TEX29: variants seen among roughly 807,000 people sequenced by gnomAD.
The protein encoded by TEX29 is testis expressed 29.
Under a neutral mutation model 18.2 loss-of-function variants are expected in TEX29, and 26 were observed. The ratio of observed to expected loss-of-function variants is 1.43; its 90% confidence interval spans 1.04 to 1.98. The LOEUF is 1.98. Among genes scored for constraint, TEX29 ranks in the 30% most tolerant of loss-of-function variants. The pLI, the probability that TEX29 is intolerant of heterozygous loss-of-function variation, is 0.00. For synonymous variants in TEX29, 83 were observed against 78.5 expected (o/e 1.06, Z -0.31); for missense variants, 177 against 194.2 (o/e 0.91, Z 0.53).
At chr13:111,320,792 G>A (rs1296177404) in intron 1 of TEX29, 30 bp downstream of exon 1, 2 of 1,493,806 alleles carry the variant, frequency 1.3e-6, no homozygotes, top group South Asian at 1.1e-5. Context: ...CTCCTGGTGT[G>A]AGCCGCCCGC....
chr13:111,342,670 G>A, intron 4 of TEX29, 86 bp from the exon 5 acceptor site: 1 of 1,339,332 alleles, frequency 7.5e-7, no homozygotes, highest in Non-Finnish European at 1.0e-6. Context: ...TGTTTTCAGA[G>A]GGATGTCCTG....
chr13:111,326,752 G>A (rs1393138832), intron 2 of TEX29, among the ~76,000 whole-genome samples: 4 of 152,112 alleles, frequency 2.6e-5, no homozygotes, highest in African/African-American at 9.7e-5. Context: ...TGGCGCTGGC[G>A]GGTGTTTGCT....
At chr13:111,338,003 A>G (rs111287375) in intron 3 of TEX29, among the ~76,000 whole-genome samples, 9 of 152,194 alleles carry the variant, frequency 5.9e-5, no homozygotes, top group African/African-American at 2.2e-4. Flanking sequence ...TTCAGTCCCC[A>G]TGGAAAGAAT....
intron 5 of TEX29, among the ~76,000 whole-genome samples, chr13:111,343,778 G>C (rs951000792): frequency 6.6e-6 from 1 of 152,192 alleles, no homozygotes; most frequent in African/African-American, 2.4e-5. Flanking sequence ...CTTGATTTCA[G>C]ATCTGGAATG....
rs1293588303 is a variant in TEX29 at position 111,320,913 on chromosome 13, A to G, written c.23A>G (p.Lys8Arg). Residue 8 changes from lysine (K) to arginine (R), a missense_variant, in exon 2 of 6, where the codon AAG becomes AGG. Transcript: ENST00000283547. ...GCAATGGAATACGTGCTGGAAGTGAAGAACTCTCCGCGGCACCTCCTGAAG... is the reference window on the plus strand; with the variant it reads ...GCAATGGAATACGTGCTGGAAGTGAGGAACTCTCCGCGGCACCTCCTGAAG... MEYVLEV[K>R]NSPRHLLKQF... 1 of 1,564,812 alleles carries G rather than the reference A, an allele frequency of 6.4e-7. No homozygotes were observed. Among genetic ancestry groups the G allele is most frequent in the South Asian group, 1.1e-5 (1 of 90,352 alleles).
chr13:111,323,591 G>A (rs924010679), intron 2 of TEX29, among the ~76,000 whole-genome samples: 7 of 152,088 alleles, frequency 4.6e-5, no homozygotes, highest in Non-Finnish European at 7.4e-5. Flanking sequence ...CCACAGGCTC[G>A]GGGGTCTGTG....
upstream of TEX29, among the ~76,000 whole-genome samples, chr13:111,318,652 C>T (rs1231999578): frequency 3.3e-5 from 5 of 152,196 alleles, no homozygotes; most frequent in South Asian, 6.2e-4. Flanking sequence ...TCATTGATGA[C>T]GTGGTTCTCC....
chr13:111,342,679 TG>T, intron 4 of TEX29, 76 bp from the exon 5 acceptor site: 1 of 1,443,424 alleles, frequency 6.9e-7, no homozygotes, highest in Non-Finnish European at 9.5e-7. Context: ...AGGGATGTCC[TG>T]GTGGGTGGGA....
chr13:111,316,201 G>T (rs779889876), upstream of TEX29: 8 of 502,480 alleles, frequency 1.6e-5, no homozygotes, highest in Non-Finnish European at 1.2e-5. Flanking sequence ...TCTCCTGGAA[G>T]AAGAACCTGA....
intron 2 of TEX29, among the ~76,000 whole-genome samples, chr13:111,325,787 TTTAA>T (rs1218171345): frequency 6.6e-6 from 1 of 152,146 alleles, no homozygotes; most frequent in Non-Finnish European, 1.5e-5. Context: ...GGACTGAACT[TTTAA>T]AATGAGAAAG....
upstream of TEX29, among the ~76,000 whole-genome samples, chr13:111,320,106 C>T (rs1161839113): frequency 6.6e-6 from 1 of 152,220 alleles, no homozygotes; most frequent in Non-Finnish European, 1.5e-5. Context: ...CATGCTCCCT[C>T]GTCAGCCCCA....
At chr13:111,342,033 G>A (rs957710323) in intron 4 of TEX29, among the ~76,000 whole-genome samples, 5 of 152,314 alleles carry the variant, frequency 3.3e-5, no homozygotes, top group African/African-American at 1.2e-4. Flanking sequence ...GGGTTTGGAG[G>A]TGTCTCAGAG....
chr13:111,334,117 A>G (rs1211494260), intron 3 of TEX29, among the ~76,000 whole-genome samples: 2 of 152,144 alleles, frequency 1.3e-5, no homozygotes, highest in African/African-American at 2.4e-5. Context: ...TTTTATGTAT[A>G]TGGCCATACT....
At chr13:111,324,806 C>A (rs867857180) in intron 2 of TEX29, among the ~76,000 whole-genome samples, 10 of 152,322 alleles carry the variant, frequency 6.6e-5, no homozygotes, top group Middle Eastern at 3.4e-3. Flanking sequence ...CCCTCCTGAA[C>A]CTTTCCTCTC....
chr13:111,322,312 C>G (rs2093666077), intron 2 of TEX29, among the ~76,000 whole-genome samples: 1 of 152,060 alleles, frequency 6.6e-6, no homozygotes, highest in Non-Finnish European at 1.5e-5. Context: ...ACGGGCCGCT[C>G]TTGTGGACGG....
At chr13:111,324,597 C>T (rs1474514907) in intron 2 of TEX29, among the ~76,000 whole-genome samples, 1 of 151,424 alleles carries the variant, frequency 6.6e-6, no homozygotes, top group African/African-American at 2.4e-5. Flanking sequence ...GGAAGAATTC[C>T]TGCAAGTGTG....
chr13:111,344,198 GTGATGGAATGAC>G lies in TEX29; in HGVS notation c.*76_*87del. 2.4e-6 allele frequency: 3 copies of G among 1,242,792 alleles called. No homozygotes were observed. The highest frequency in any genetic ancestry group is 2.3e-6 in the Non-Finnish European group (2 of 863,598). The allele number at this position is 1,242,792 out of a possible 1,614,324, so 77.0% of individuals were successfully genotyped here. A position where few individuals can be genotyped will look rare whatever the true frequency, so the allele number is the denominator to read the frequency against. The stretch of plus-strand genomic sequence containing the variant: ...GTACAGCAGGTGCACTGTTAACAGT[GTGATGGAATGAC>G]CACCCAAAGAGAAAAAAATAAAGGT... On this transcript the variant is annotated 3_prime_UTR_variant, in exon 6 of 6. Transcript: ENST00000283547.
rs527512531 is a variant in TEX29, at chr13:111,326,931, C to A, written c.59-1252C>A. ...AGCCCTCCTAGTCACCCACTGTAGA[C>A]ACATGGGCTGCTGCATAGAACGTGG... is the stretch of plus-strand genomic sequence containing the variant. On this transcript the variant is annotated intron_variant, in intron 2 of 5. Transcript: ENST00000283547. Among the ~76,000 whole-genome samples the A allele has an allele frequency of 1.2e-4, 18 of 152,302 alleles. No homozygotes were observed. In the South Asian group the frequency reaches 3.1e-3, roughly 26 times the overall value.
intron 3 of TEX29, among the ~76,000 whole-genome samples, chr13:111,338,940 G>A (rs1360941319): frequency 6.6e-6 from 1 of 152,216 alleles, no homozygotes; most frequent in African/African-American, 2.4e-5. Flanking sequence ...ATGAGCCGAC[G>A]GAGATCCAGA....
Sources: allele counts gnomAD v4.1 joint callset (sites outside exome capture counted in the v4.1 genomes callset), GRCh38; gene constraint gnomAD v4.1.1; transcripts MANE v1.5; gene names NCBI Gene and HGNC (gene_info 2026-07-23, HGNC 2026-07-21).